The following CHAMP1 variants were observed in gnomAD, a reference collection of about 807,000 sequenced individuals.
The protein encoded by CHAMP1 is chromosome alignment maintaining phosphoprotein 1, also known as chromosome alignment-maintaining phosphoprotein 1.
A neutral mutation model predicts 54.5 loss-of-function variants in CHAMP1; 4 were observed. The observed-to-expected ratio is 0.07, with a 90% CI of 0.04 to 0.17. CHAMP1 has a LOEUF of 0.17. CHAMP1 is among the 10% of genes least tolerant of loss of function. The pLI, the probability that CHAMP1 is intolerant of heterozygous loss-of-function variation, is 1.00. For missense variants in CHAMP1, 994 were observed against 968.6 expected (o/e 1.03, Z -0.35); for synonymous variants, 368 against 342.2 (o/e 1.08, Z -0.83).
In CHAMP1 at chr13:114,325,136, A is replaced by G. The variant is rs2087228317; in HGVS notation, c.1294A>G (p.Ser432Gly). Reference protein sequence around the residue: ...PGPPLSPEIRSPAGSPELRKP... With the variant: ...PGPPLSPEIRGPAGSPELRKP... ...CCCACCACTATCCCCAGAGATCCGTAGTCCAGCAGGATCTCCAGAGCTCAG... is the reference window on the plus strand; with the variant it reads ...CCCACCACTATCCCCAGAGATCCGTGGTCCAGCAGGATCTCCAGAGCTCAG... The change falls in exon 3 of 3, where the codon AGT becomes GGT. Residue 432 changes from serine to glycine, a missense_variant. By Grantham distance (56) the Ser-to-Gly change is moderately conservative. This residue lies in a region of CHAMP1 where 851 missense variants were observed against 701.3 expected (regional missense o/e 1.21). Transcript: ENST00000361283. 6 of 1,614,040 alleles carry G rather than the reference A, an allele frequency of 3.7e-6. No homozygotes were observed. Among genetic ancestry groups the G allele is most frequent in the African/African-American group, 1.3e-5 (1 of 74,900 alleles).
intron 1 of CHAMP1, among the ~76,000 whole-genome samples, chr13:114,316,244 G>A (rs115640022): frequency 0.024 from 3,550 of 149,638 alleles, 130 homozygotes; most frequent in African/African-American, 0.082. Context: ...GCCCACTGCA[G>A]CCTCCGTCTC....
intron 1 of CHAMP1, among the ~76,000 whole-genome samples, chr13:114,319,620 ATG>A (rs778772129): frequency 6.6e-6 from 1 of 152,238 alleles, no homozygotes; most frequent in African/African-American, 2.4e-5. Context: ...CGTTTACAGA[ATG>A]TGAAACATTT....
At chr13:114,323,372 T>A (rs1268972420) in intron 2 of CHAMP1, 1 of 153,620 alleles carries the variant, frequency 6.5e-6, no homozygotes, top group African/African-American at 2.4e-5. Context: ...ATAGCCAAGA[T>A]TTAATTTTGA....
At position 114,325,502 on chromosome 13, in the gene CHAMP1, C is replaced by T. The variant is rs1223128156; in HGVS notation, c.1660C>T (p.Pro554Ser). 1 of 1,614,112 alleles carries T rather than the reference C, an allele frequency of 6.2e-7. No homozygotes were observed. Among genetic ancestry groups the T allele is most frequent in the East Asian group, 2.2e-5 (1 of 44,886 alleles). The change falls in exon 3 of 3, where the codon CCC becomes TCC. Residue 554 changes from proline (P) to serine (S), a missense_variant. Around this residue, in one of 3 missense-constraint regions of CHAMP1, gnomAD observed 851 missense variants for 701.3 expected, o/e 1.21. Transcript: ENST00000361283. ...EARKRALFPE[P>S]RKHALFPELP... is the part of the protein sequence containing the mutation. ...ACGCAAACGTGCCCTTTTTCCAGAG[C>T]CCCGGAAGCATGCCCTTTTCCCTGA...
chr13:114,318,345 CAG>C (rs936000386), intron 1 of CHAMP1, among the ~76,000 whole-genome samples: 2 of 148,446 alleles, frequency 1.3e-5, no homozygotes, highest in African/African-American at 5.0e-5. Context: ...TTTTTTGAGA[CAG>C]GGTCTCACTC....
rs141932275 is a variant in CHAMP1, at chr13:114,324,386, G to T, written c.544G>T (p.Val182Phe). The T allele has an allele frequency of 1.2e-6, 2 of 1,614,086 alleles. No homozygotes were observed. Among genetic ancestry groups the T allele is most frequent in the South Asian group, 2.2e-5 (2 of 91,086 alleles). ...PSPEPSKPAS[V>F]SSPEPPKSVP... ...TCCTGAGCCTTCAAAACCTGCCTCTGTTTCTTCTCCTGAACCTCCAAAATC... is the reference window on the plus strand; with the variant it reads ...TCCTGAGCCTTCAAAACCTGCCTCTTTTTCTTCTCCTGAACCTCCAAAATC... The change falls in exon 3 of 3, where the codon GTT (valine) becomes TTT (phenylalanine). Residue 182 changes from valine to phenylalanine, a missense_variant. Physicochemically the swap from Val to Phe is conservative, Grantham distance 50. Coordinates refer to ENST00000361283, the MANE Select transcript of CHAMP1 (RefSeq NM_032436.4).
chr13:114,324,358 T>A lies in CHAMP1; in HGVS notation c.516T>A (p.Pro172=), dbSNP rs189158463. 77 of 1,614,128 alleles carry A rather than the reference T, an allele frequency of 4.8e-5. No individual in the cohort carries two copies. The East Asian group carries it at 1.0e-3, about 22-fold the overall frequency. ...CTCCTGAGCTACAGACACCTCTTCCTTCTCCTGAGCCTTCAAAACCTGCCT... is the reference window on the plus strand; with the variant it reads ...CTCCTGAGCTACAGACACCTCTTCCATCTCCTGAGCCTTCAAAACCTGCCT... ...VVSPELQTPL[P]SPEPSKPASV... Residue 172 remains proline, a synonymous_variant, in exon 3 of 3, where the codon CCT becomes CCA. Transcript: ENST00000361283.
At position 114,325,449 on chromosome 13, in the gene CHAMP1, A is replaced by G. The variant is rs782617751; in HGVS notation, c.1607A>G (p.Lys536Arg). ...CCTGCCCTGTTTCCCGAGCCTGCCA[A>G]AACAGCCCCTCCTGCTTCTCCAGAA... The part of the protein sequence containing the change: ...RKPALFPEPA[K>R]TAPPASPEAR... The change falls in exon 3 of 3, where the codon AAA (lysine) becomes AGA (arginine). Residue 536 changes from lysine (K) to arginine (R), a missense_variant. By Grantham distance (26) the Lys-to-Arg change is conservative. This residue lies in a region of CHAMP1 where 851 missense variants were observed against 701.3 expected (regional missense o/e 1.21). Coordinates refer to ENST00000361283, the MANE Select transcript of CHAMP1 (RefSeq NM_032436.4). 3 of 1,614,058 alleles carry G rather than the reference A, an allele frequency of 1.9e-6. No homozygotes were observed. In the Admixed American group the frequency reaches 5.0e-5, roughly 27 times the overall value.
In CHAMP1 at chr13:114,325,014, A is replaced by G; in HGVS notation, c.1172A>G (p.Lys391Arg). The G allele has an allele frequency of 6.2e-7, 1 of 1,614,092 alleles. No homozygotes were observed. Among genetic ancestry groups the G allele is most frequent in the Non-Finnish European group, 8.5e-7 (1 of 1,180,026 alleles). The change falls in exon 3 of 3, where the codon AAG (lysine) becomes AGG (arginine). Residue 391 changes from lysine (K) to arginine (R), a missense_variant. This residue lies in a region of CHAMP1 where 851 missense variants were observed against 701.3 expected (regional missense o/e 1.21). Coordinates refer to ENST00000361283, the MANE Select transcript of CHAMP1 (RefSeq NM_032436.4). ...KSPPASPESW[K>R]SGPPELRKTA... is the part of the protein sequence containing the mutation. ...CCCCCTGCATCTCCTGAGTCATGGA[A>G]GTCTGGCCCACCAGAACTCCGAAAG...
chr13:114,325,605 A>G lies in CHAMP1; in HGVS notation c.1763A>G (p.Asp588Gly). 6.2e-7 allele frequency: 1 copy of G among 1,614,218 alleles called. No homozygotes were observed. The highest frequency in any genetic ancestry group is 8.5e-7 in the Non-Finnish European group (1 of 1,180,050). ...GATGAACTACAAATAGATGCCATAG[A>G]TGATCAAAAATGTGATATTTTGGTT... Reference protein sequence around the residue: ...LGDELQIDAIDDQKCDILVQE... With the variant: ...LGDELQIDAIGDQKCDILVQE... Residue 588 changes from aspartate to glycine, a missense_variant, in exon 3 of 3, where the codon GAT becomes GGT. Transcript: ENST00000361283.
In CHAMP1 at chr13:114,325,829, A is replaced by G. The variant is rs782559791; in HGVS notation, c.1987A>G (p.Ile663Val). 18 of 1,614,208 alleles carry G rather than the reference A, an allele frequency of 1.1e-5. No homozygotes were observed. Among genetic ancestry groups the G allele is most frequent in the East Asian group, 4.5e-5 (2 of 44,882 alleles). ...SDQEQVDVES[I>V]DFSKENKMDM... ...TCAAGAGCAGGTTGATGTGGAATCC[A>G]TTGATTTTAGCAAAGAGAACAAAAT... is the stretch of plus-strand genomic sequence containing the variant. Residue 663 changes from isoleucine (I) to valine (V), a missense_variant, in exon 3 of 3, where the codon ATT becomes GTT. Physicochemically the swap from Ile to Val is conservative, Grantham distance 29. Coordinates refer to ENST00000361283, the MANE Select transcript of CHAMP1 (RefSeq NM_032436.4).
Position 114,327,104 on chromosome 13 carries a change from G to A in CHAMP1, c.*823G>A, listed in dbSNP as rs371903354. The A allele has an allele frequency of 6.1e-6, 1 of 164,210 alleles. No homozygotes were observed. Among genetic ancestry groups the A allele is most frequent in the Admixed American group, 6.8e-5 (1 of 14,602 alleles). 10.2% of individuals were successfully genotyped at this position (164,210 alleles called of 1,614,324 possible). A position where few individuals can be genotyped will look rare whatever the true frequency, so the allele number is the denominator to read the frequency against. ...ATCCTACTCCTGGGCCTTACATGTC[G>A]CCTGTTGGGGCTTAAGACCAGGTTG... On this transcript the variant is annotated 3_prime_UTR_variant, in exon 3 of 3. Transcript: ENST00000361283.
chr13:114,316,664 A>C (rs1403940694), intron 1 of CHAMP1, among the ~76,000 whole-genome samples: 1 of 152,010 alleles, frequency 6.6e-6, no homozygotes, highest in African/African-American at 2.4e-5. Flanking sequence ...TTAGCTTATC[A>C]TTGTAGCAGA....
intron 2 of CHAMP1, 79 bp downstream of exon 2, chr13:114,321,311 G>A (rs1191449749): frequency 2.0e-5 from 3 of 152,116 alleles, no homozygotes; most frequent in East Asian, 3.9e-4. Context: ...GAGTTCTTGA[G>A]GAAAATCTCT....
intron 2 of CHAMP1, among the ~76,000 whole-genome samples, chr13:114,321,551 A>G (rs1326293760): frequency 6.6e-6 from 1 of 152,156 alleles, no homozygotes; most frequent in Non-Finnish European, 1.5e-5. Context: ...TGTTGTAATT[A>G]CAATATGTAA....
intron 1 of CHAMP1, among the ~76,000 whole-genome samples, chr13:114,315,176 G>GCTCA (rs2087080224): frequency 6.6e-6 from 1 of 152,140 alleles, no homozygotes; most frequent in Non-Finnish European, 1.5e-5. Context: ...GTGCAGTGAT[G>GCTCA]CTCAACATCA....
In CHAMP1 at chr13:114,326,236, G is replaced by A; in HGVS notation, c.2394G>A (p.Lys798=). ...QSRHNEEANK[K]LMEALEPPLE... Reference sequence around the variant, plus strand: ...GGCATAATGAAGAGGCAAATAAAAAGCTAATGGAAGCTCTTGAACCGCCAC... The same window carrying A: ...GGCATAATGAAGAGGCAAATAAAAAACTAATGGAAGCTCTTGAACCGCCAC... The change falls in exon 3 of 3, where the codon AAG becomes AAA. Residue 798 remains lysine, a synonymous_variant. Transcript: ENST00000361283. 2 of 1,590,118 alleles carry A rather than the reference G, an allele frequency of 1.3e-6. No individual in the cohort carries two copies. The highest frequency in any genetic ancestry group is 2.2e-5 in the East Asian group (1 of 44,590).
rs1300380314 is a variant in CHAMP1 at position 114,326,338 on chromosome 13, G to T, written c.*57G>T. 2.0e-6 allele frequency: 3 copies of T among 1,506,722 alleles called. No individual in the cohort carries two copies. The African/African-American group carries it at 4.2e-5, about 21-fold the overall frequency. 93.3% of individuals were successfully genotyped at this position (1,506,722 alleles called of 1,614,324 possible). A position where few individuals can be genotyped will look rare whatever the true frequency, so the allele number is the denominator to read the frequency against. On this transcript the variant is annotated 3_prime_UTR_variant, in exon 3 of 3. Coordinates refer to ENST00000361283, the MANE Select transcript of CHAMP1 (RefSeq NM_032436.4). ...TGTTTGTTGGAACCATTCTTTGTAA[G>T]TATAGCTTATCAGATAGCATAGTTG...
rs1274576441 is a variant in CHAMP1, at chr13:114,326,938, T to C, written c.*657T>C. On this transcript the variant is annotated 3_prime_UTR_variant, in exon 3 of 3. Transcript: ENST00000361283. ...TGTGATTTTAGATCTTTCTTGTCCA[T>C]AGTTGTTTTCAGTGGAGTCTTCCAT... The C allele has an allele frequency of 6.0e-6, 1 of 166,698 alleles. No homozygotes were observed. The highest frequency in any genetic ancestry group is 6.5e-5 in the Admixed American group (1 of 15,280). The allele number at this position is 166,698 out of a possible 1,614,324, so 10.3% of individuals were successfully genotyped here. A position where few individuals can be genotyped will look rare whatever the true frequency, so the allele number is the denominator to read the frequency against.
Sources: allele counts gnomAD v4.1 joint callset (sites outside exome capture counted in the v4.1 genomes callset), GRCh38; gene constraint gnomAD v4.1.1; regional missense constraint gnomAD v4.1.1; transcripts MANE v1.5; gene names NCBI Gene and HGNC (gene_info 2026-07-23, HGNC 2026-07-21).